Variants in ENOX2 observed in about 807,000 individuals in gnomAD.
The protein encoded by ENOX2 is ecto-NOX disulfide-thiol exchanger 2, also known as APK1 antigen.
In ENOX2, 36 loss-of-function variants were observed where a neutral mutation model predicts 45.0. That is an observed-to-expected ratio of 0.80 (90% CI 0.61 to 1.06). ENOX2 has a LOEUF of 1.06. ENOX2 is among the 50% of genes least tolerant of loss of function. The probability of loss-of-function intolerance (pLI) is 0.00; values close to 1 mark genes in which losing one functional copy is unlikely to be tolerated. For synonymous variants in ENOX2, 174 were observed against 152.3 expected, an observed-to-expected ratio of 1.14 and a Z score of -1.05; for missense variants, 423 against 462.5, an observed-to-expected ratio of 0.91 and a Z score of 0.78.
chrX:130,719,072 G>C (rs1389529142), intron 3 of ENOX2, among the ~76,000 whole-genome samples: 2 of 111,932 alleles, frequency 1.8e-5, no homozygotes, highest in Admixed American at 1.9e-4. Flanking sequence ...ATAACCATTT[G>C]CATGTCATTT....
At position 130,633,458 on chromosome X, in the gene ENOX2, G is replaced by C. The variant is rs143490767; in HGVS notation, c.1419+1526C>G. Reference sequence around the variant, plus strand: ...AAAGAAGCTTTGCTTAAAATAACAAGAAAAAAACATATTTTGACTCACTGT... The same window carrying C: ...AAAGAAGCTTTGCTTAAAATAACAACAAAAAAACATATTTTGACTCACTGT... On this transcript the variant is annotated intron_variant, in intron 12 of 14. Transcript: ENST00000394363. 4.0e-3 allele frequency among the ~76,000 whole-genome samples: 453 copies of C among 112,212 alleles called. 4 individuals are homozygous for C. The South Asian group carries it at 0.086, about 21-fold the overall frequency.
chrX:130,647,398 T>C (rs2036264054), intron 10 of ENOX2, among the ~76,000 whole-genome samples: 2 of 112,373 alleles, frequency 1.8e-5, no homozygotes, highest in Non-Finnish European at 3.8e-5. Context: ...ACCCAACTTA[T>C]TAGAGTGCTG....
chrX:130,852,612 C>G (rs1024680943), intron 2 of ENOX2, among the ~76,000 whole-genome samples: 16 of 111,103 alleles, frequency 1.4e-4, no homozygotes, highest in African/African-American at 5.2e-4. Context: ...TCTTTGTATT[C>G]AAAGGAAACC....
chrX:130,769,040 T>C (rs1471221297), intron 3 of ENOX2, among the ~76,000 whole-genome samples: 1 of 111,565 alleles, frequency 9.0e-6, no homozygotes, highest in Non-Finnish European at 1.9e-5. Flanking sequence ...CATGACGCTC[T>C]ATGAAGCCTA....
chrX:130,810,776 G>A (rs2148447335), intron 2 of ENOX2, among the ~76,000 whole-genome samples: 1 of 111,984 alleles, frequency 8.9e-6, no homozygotes, highest in Non-Finnish European at 1.9e-5. Flanking sequence ...CAGACGAAGG[G>A]TCCAGGCCTA....
intron 10 of ENOX2, chrX:130,645,667 G>A (rs2036210719): frequency 4.1e-6 from 2 of 490,376 alleles, no homozygotes; most frequent in Admixed American, 7.7e-5. Flanking sequence ...CAGCACCTAA[G>A]GGCTGGGCCT....
intron 2 of ENOX2, among the ~76,000 whole-genome samples, chrX:130,804,386 C>T (rs1451798596): frequency 8.9e-6 from 1 of 111,924 alleles, no homozygotes; most frequent in Non-Finnish European, 1.9e-5. Context: ...GCACTTTGAA[C>T]ACTGTTAGTA....
chrX:130,764,993 T>C (rs761574035), intron 3 of ENOX2, among the ~76,000 whole-genome samples: 2 of 111,630 alleles, frequency 1.8e-5, no homozygotes, highest in Admixed American at 9.5e-5. Flanking sequence ...AAGATAATGA[T>C]TGCTTGACAG....
At chrX:130,655,247 G>C (rs745503627) in intron 10 of ENOX2, among the ~76,000 whole-genome samples, 1 of 112,386 alleles carries the variant, frequency 8.9e-6, no homozygotes, top group African/African-American at 3.2e-5. Flanking sequence ...ATTCAATATA[G>C]ATAGCAGTTT....
At chrX:130,626,823 T>C (rs2035557564) in intron 14 of ENOX2, among the ~76,000 whole-genome samples, 1 of 111,913 alleles carries the variant, frequency 8.9e-6, no homozygotes, top group Non-Finnish European at 1.9e-5. Context: ...TATGCTTAAA[T>C]GACTTAACAT....
At chrX:130,842,547 T>G (rs1489232450) in intron 2 of ENOX2, among the ~76,000 whole-genome samples, 1 of 111,813 alleles carries the variant, frequency 8.9e-6, no homozygotes, top group African/African-American at 3.3e-5. Context: ...ATCAATGCAT[T>G]CTGAATTCTG....
intron 11 of ENOX2, among the ~76,000 whole-genome samples, chrX:130,636,315 G>T (rs1190268338): frequency 8.9e-6 from 1 of 112,734 alleles, no homozygotes; most frequent in Non-Finnish European, 1.9e-5. Context: ...AATAGTGGCA[G>T]AAAGAATAAC....
intron 2 of ENOX2, among the ~76,000 whole-genome samples, chrX:130,802,156 A>C (rs746006639): frequency 8.9e-6 from 1 of 112,209 alleles, no homozygotes; most frequent in Non-Finnish European, 1.9e-5. Context: ...TAATGACTAT[A>C]GTTCTCCCAT....
intron 10 of ENOX2, among the ~76,000 whole-genome samples, chrX:130,651,552 C>T (rs1451280598): frequency 9.0e-6 from 1 of 111,679 alleles, no homozygotes; most frequent in Non-Finnish European, 1.9e-5. Context: ...TCACTTGACT[C>T]CACTCTCTCT....
At chrX:130,720,115 G>A (rs1375906797) in intron 3 of ENOX2, among the ~76,000 whole-genome samples, 1 of 112,267 alleles carries the variant, frequency 8.9e-6, no homozygotes. Flanking sequence ...ATCAATCTGA[G>A]TACTAACGAT....
At chrX:130,784,265 A>G (rs2076934968) in intron 2 of ENOX2, among the ~76,000 whole-genome samples, 1 of 111,517 alleles carries the variant, frequency 9.0e-6, no homozygotes, top group Non-Finnish European at 1.9e-5. Flanking sequence ...GATTTCGGTA[A>G]TGTTAATCTC....
chrX:130,803,818 A>T (rs1463352922), intron 2 of ENOX2, among the ~76,000 whole-genome samples: 2 of 112,465 alleles, frequency 1.8e-5, no homozygotes, highest in Non-Finnish European at 3.8e-5. Flanking sequence ...GACGGATAGA[A>T]GTTTGCTTGG....
intron 4 of ENOX2, among the ~76,000 whole-genome samples, chrX:130,701,232 T>C (rs936272780): frequency 2.7e-5 from 3 of 111,274 alleles, no homozygotes; most frequent in Non-Finnish European, 3.8e-5. Flanking sequence ...TTTACACATA[T>C]GGTCCAGACT....
At chrX:130,881,701 A>C (rs996666793) in intron 2 of ENOX2, among the ~76,000 whole-genome samples, 6 of 112,059 alleles carry the variant, frequency 5.4e-5, no homozygotes, top group African/African-American at 1.9e-4. Context: ...ATGTTCCACA[A>C]AGGCAAAAGA....
Sources: allele counts gnomAD v4.1 joint callset (sites outside exome capture counted in the v4.1 genomes callset), GRCh38; gene constraint gnomAD v4.1.1; transcripts MANE v1.5; gene names NCBI Gene and HGNC (gene_info 2026-07-23, HGNC 2026-07-21).